FOLH1: variants seen among roughly 807,000 people sequenced by gnomAD.
The protein encoded by FOLH1 is glutamate carboxypeptidase 2.
A neutral mutation model predicts 93.9 loss-of-function variants in FOLH1; 54 were observed. The ratio of observed to expected loss-of-function variants is 0.57; its 90% CI spans 0.46 to 0.72. The LOEUF (loss-of-function observed/expected upper bound fraction) is 0.72. Among genes scored for constraint, FOLH1 ranks in the 30% least tolerant of loss-of-function variants. FOLH1 has a pLI of 0.00. For missense variants in FOLH1, 571 were observed against 892.5 expected (o/e 0.64, Z 4.59); for synonymous variants, 249 against 303.6 (o/e 0.82, Z 1.87).
intron 8 of FOLH1, among the ~76,000 whole-genome samples, chr11:49,175,299 A>G (rs1356683391): frequency 6.6e-6 from 1 of 152,102 alleles, no homozygotes; most frequent in Non-Finnish European, 1.5e-5. Flanking sequence ...GGGCCCAAAG[A>G]GCAGGCAATA....
At chr11:49,182,730 G>A (rs2135173679) in intron 7 of FOLH1, among the ~76,000 whole-genome samples, 1 of 152,290 alleles carries the variant, frequency 6.6e-6, no homozygotes, top group East Asian at 1.9e-4. Context: ...TTTAAGCGAG[G>A]CTATCAAGGA....
At chr11:49,163,360 C>T (rs1429453553) in intron 13 of FOLH1, among the ~76,000 whole-genome samples, 9 of 152,112 alleles carry the variant, frequency 5.9e-5, no homozygotes, top group Admixed American at 1.3e-4. Flanking sequence ...AGTCTGGCCA[C>T]GTTTTTGTGA....
chr11:49,181,505 A>C (rs1287401115), intron 7 of FOLH1, among the ~76,000 whole-genome samples: 1 of 152,038 alleles, frequency 6.6e-6, no homozygotes, highest in Non-Finnish European at 1.5e-5. Context: ...ATTTTTCTAT[A>C]TTATTAATTA....
intron 13 of FOLH1, among the ~76,000 whole-genome samples, chr11:49,158,561 G>T (rs769456244): frequency 8.5e-5 from 13 of 152,098 alleles, no homozygotes. Flanking sequence ...TCATAGTATA[G>T]TTTGATGTCT....
At chr11:49,154,092 A>G in intron 16 of FOLH1, 136 bp downstream of exon 16, 1 of 1,375,984 alleles carries the variant, frequency 7.3e-7, no homozygotes, top group South Asian at 1.5e-5. Flanking sequence ...AATGGAAAAT[A>G]CATTTATAGA....
intron 10 of FOLH1, among the ~76,000 whole-genome samples, chr11:49,172,346 G>C (rs1859436557): frequency 6.6e-6 from 1 of 152,118 alleles, no homozygotes; most frequent in Non-Finnish European, 1.5e-5. Flanking sequence ...AGATAGCTGT[G>C]TAGAAAAAAG....
In FOLH1 at chr11:49,207,936, A is replaced by C. The variant is rs186380113; in HGVS notation, c.118+356T>G. On this transcript the variant is annotated intron_variant, in intron 1 of 18. Coordinates refer to ENST00000256999, the MANE Select transcript of FOLH1 (RefSeq NM_004476.3). The stretch of plus-strand genomic sequence containing the variant: ...AAGAAAGAATGCACAGAGAGGTAAA[A>C]AAACAAACAAACAAACAAAACAAAA... The C allele has an allele frequency of 8.1e-4, 393 of 487,958 alleles. 6 individuals carry two copies. Among genetic ancestry groups the C allele is most frequent in the South Asian group, 4.1e-3 (263 of 63,798 alleles). The allele number at this position is 487,958 out of a possible 1,614,324, so 30.2% of individuals were successfully genotyped here.
intron 18 of FOLH1, among the ~76,000 whole-genome samples, chr11:49,147,267 T>A (rs77909685): frequency 6.6e-6 from 1 of 152,138 alleles, no homozygotes; most frequent in Non-Finnish European, 1.5e-5. Context: ...TCTACACAGT[T>A]GATATTAGTA....
chr11:49,176,431 C>T (rs1056415687), intron 7 of FOLH1, among the ~76,000 whole-genome samples: 6 of 152,136 alleles, frequency 3.9e-5, no homozygotes, highest in African/African-American at 1.4e-4. Context: ...TCAGAAGCCC[C>T]TAAAAGCTTC....
At position 49,170,431 on chromosome 11, in the gene FOLH1, A is replaced by G. The variant is rs181052502; in HGVS notation, c.1308+764T>C. 3.0e-3 allele frequency among the ~76,000 whole-genome samples: 451 copies of G among 152,310 alleles called. 2 individuals are homozygous for G. Among genetic ancestry groups the G allele is most frequent in the Middle Eastern group, 0.017 (5 of 294 alleles). ...GGAGTTTGAGGCCAGCCTGGCCAAC[A>G]CAGCAAAACCCTGTCTCTATTAAAC... is the stretch of plus-strand genomic sequence containing the variant. On this transcript the variant is annotated intron_variant, in intron 11 of 18. Transcript: ENST00000256999.
intron 18 of FOLH1, among the ~76,000 whole-genome samples, chr11:49,148,387 G>A (rs1332027333): frequency 6.6e-6 from 1 of 150,734 alleles, no homozygotes; most frequent in Admixed American, 6.6e-5. Flanking sequence ...ATGGCTTTCT[G>A]GATCTTCTAT....
Position 49,153,889 on chromosome 11 carries a change from C to G in FOLH1, c.1927G>C (p.Ala643Pro), listed in dbSNP as rs566020349. ...FSAVKNFTEIASKFSERLQDF... is the reference protein window; with the variant it reads ...FSAVKNFTEIPSKFSERLQDF... ...TGGAGTCTCTCACTGAACTTGGAAG[C>G]AATTTCTGTAAAATTCTTTACTGCA... The change falls in exon 17 of 19, where the codon GCT (alanine) becomes CCT (proline). Residue 643 changes from alanine (A) to proline (P), a missense_variant. Ala to Pro is a conservative substitution (Grantham distance 27, BLOSUM62 -1). Transcript: ENST00000256999. The G allele has an allele frequency of 6.2e-7, 1 of 1,606,304 alleles. No individual in the cohort carries two copies. Among genetic ancestry groups the G allele is most frequent in the African/African-American group, 1.3e-5 (1 of 74,558 alleles).
At chr11:49,203,617 C>T (rs190212649) in intron 2 of FOLH1, among the ~76,000 whole-genome samples, 3,773 of 152,248 alleles carry the variant, frequency 0.025, 81 homozygotes, top group Non-Finnish European at 0.036. Flanking sequence ...CAATTTCTTT[C>T]TTTTGTGTGT....
At chr11:49,167,796 G>T (rs1336226593) in intron 12 of FOLH1, among the ~76,000 whole-genome samples, 1 of 151,858 alleles carries the variant, frequency 6.6e-6, no homozygotes, top group African/African-American at 2.4e-5. Flanking sequence ...GGGCTGCGGA[G>T]TGAGACCCTG....
intron 7 of FOLH1, 37 bp from the exon 8 acceptor site, chr11:49,175,994 A>T: frequency 6.3e-7 from 1 of 1,592,520 alleles, no homozygotes; most frequent in Non-Finnish European, 8.6e-7. Context: ...GCCACAAAAA[A>T]ACCTTGAAGT....
At chr11:49,192,323 C>T (rs1312631734) in intron 4 of FOLH1, among the ~76,000 whole-genome samples, 4 of 151,892 alleles carry the variant, frequency 2.6e-5, no homozygotes, top group South Asian at 2.1e-4. Context: ...AATTTGACAA[C>T]GTCAAAATTA....
At chr11:49,147,159 G>C (rs116321727) in intron 18 of FOLH1, among the ~76,000 whole-genome samples, 2,188 of 152,118 alleles carry the variant, frequency 0.014, 58 homozygotes, top group African/African-American at 0.05. Flanking sequence ...AATTAAAGTG[G>C]TTCAGTGCTA....
intron 14 of FOLH1, among the ~76,000 whole-genome samples, chr11:49,157,143 G>A (rs894358197): frequency 3.3e-5 from 5 of 151,826 alleles, no homozygotes; most frequent in Non-Finnish European, 7.4e-5. Context: ...CAGATAATTT[G>A]GACATAAATT....
chr11:49,208,363 C>A lies in FOLH1; in HGVS notation c.47G>T (p.Arg16Leu), dbSNP rs1229007230. ...CCCAGCGCACAGCCAGCGCGGGCGG[C>A]GCGCGGTGGCCACAGCCGAGTCGGT... Reference protein sequence around the residue: ...HETDSAVATARRPRWLCAGAL... With the variant: ...HETDSAVATALRPRWLCAGAL... The change falls in exon 1 of 19, where the codon CGC (arginine) becomes CTC (leucine). Residue 16 changes from arginine (R) to leucine (L), a missense_variant. Physicochemically the swap from Arg to Leu is moderately radical, Grantham distance 102. Around this residue, in one of 2 missense-constraint regions of FOLH1, gnomAD observed 71 missense variants for 69.6 expected, o/e 1.02. Coordinates refer to ENST00000256999, the MANE Select transcript of FOLH1 (RefSeq NM_004476.3). 1 of 1,602,118 alleles carries A rather than the reference C, an allele frequency of 6.2e-7. No individual in the cohort carries two copies. Among genetic ancestry groups the A allele is most frequent in the African/African-American group, 1.3e-5 (1 of 74,666 alleles).
Sources: gnomAD v4.1 joint callset for allele counts (sites outside exome capture counted in the v4.1 genomes callset) on GRCh38, gnomAD v4.1.1 for gene constraint, gnomAD v4.1.1 regional missense constraint, MANE v1.5 for transcripts, NCBI Gene and HGNC (gene_info 2026-07-23, HGNC 2026-07-21) for gene names.